The following RSRP1 variants were observed in gnomAD, a reference collection of about 807,000 sequenced individuals.
RSRP1 encodes the protein arginine/serine-rich protein 1.
Under a neutral mutation model 33.0 loss-of-function variants are expected in RSRP1, and 37 were observed. The observed-to-expected ratio is 1.12, with a 90% CI of 0.86 to 1.48. The LOEUF (loss-of-function observed/expected upper bound fraction) is 1.48. Ranked by LOEUF, RSRP1 falls within the 40% of genes most tolerant of loss-of-function variation. The pLI is 0.00. For missense variants in RSRP1, 402 were observed against 385.3 expected, an observed-to-expected ratio of 1.04 and a Z score of -0.36; for synonymous variants, 167 against 158.7, an observed-to-expected ratio of 1.05 and a Z score of -0.40.
intron 1 of RSRP1, among the ~76,000 whole-genome samples, chr1:25,252,908 C>T (rs1335649929): frequency 1.3e-5 from 2 of 152,050 alleles, no homozygotes; most frequent in Admixed American, 6.6e-5. Flanking sequence ...TCAAGGAACA[C>T]GGAAAGGTCA....
intron 1 of RSRP1, among the ~76,000 whole-genome samples, chr1:25,289,760 TG>T (rs1642330737): frequency 7.8e-6 from 1 of 127,868 alleles, no homozygotes; most frequent in Admixed American, 7.6e-5. Context: ...CCACTAGCCT[TG>T]TGATATCACA....
rs1448947675 is a variant in RSRP1 at position 25,273,848 on chromosome 1, C to T, written c.-66-26819G>A. On this transcript the variant is annotated intron_variant, in intron 1 of 1. Coordinates refer to the RSRP1 transcript ENST00000561867. ...TTGCTTGTTCCTAGGTTGATATGAA[C>T]GGCTAGTTAACTGGAAGCAAAGAGA... Among the ~76,000 whole-genome samples the T allele has an allele frequency of 3.9e-5, 5 of 129,136 alleles. 2 individuals are homozygous for T. Among genetic ancestry groups the T allele is most frequent in the Non-Finnish European group, 7.3e-5 (4 of 54,602 alleles). The allele number at this position is 129,136 out of a possible 152,430, so 84.7% of individuals were successfully genotyped here. A position where few individuals can be genotyped will look rare whatever the true frequency, so the allele number is the denominator to read the frequency against.
rs187405081 is a variant in RSRP1 at position 25,282,345 on chromosome 1, C to T, written c.-66-35316G>A. 5.8e-4 allele frequency among the ~76,000 whole-genome samples: 76 copies of T among 131,528 alleles called. 13 individuals are homozygous for T. Among genetic ancestry groups the T allele is most frequent in the African/African-American group, 1.7e-3 (67 of 38,658 alleles). The allele number at this position is 131,528 out of a possible 152,430, so 86.3% of individuals were successfully genotyped here. ...TGCCTCCCGGGTTCAAGCGATTCTC[C>T]TGCCTGCCTCCCGAGTAGCTGGGAT... is the stretch of plus-strand genomic sequence containing the variant. On this transcript the variant is annotated intron_variant, in intron 1 of 1. Transcript: ENST00000561867.
At chr1:25,275,067 ATCACCTGAGG>A (rs1390152878) in intron 1 of RSRP1, among the ~76,000 whole-genome samples, 1 of 132,356 alleles carries the variant, frequency 7.6e-6, no homozygotes, top group East Asian at 2.0e-4. Context: ...AGGCAGGCAG[ATCACCTGAGG>A]TCAGGAGTTC....
rs1157605330 is a variant in RSRP1, at chr1:25,266,966, C to T, written c.-66-19937G>A. 4 of 123,702 alleles carry T rather than the reference C, an allele frequency of 3.2e-5. 1 individual carries two copies. Among genetic ancestry groups the T allele is most frequent in the African/African-American group, 1.3e-4 (4 of 31,858 alleles). The allele number at this position is 123,702 out of a possible 1,614,324, so 7.7% of individuals were successfully genotyped here. ...GAGCGCCTCCGCTAGGGAGACTGCACGTTGCGCCTGTGCTTCCTGCGGTGG... is the reference window on the plus strand; with the variant it reads ...GAGCGCCTCCGCTAGGGAGACTGCATGTTGCGCCTGTGCTTCCTGCGGTGG... On this transcript the variant is annotated intron_variant, in intron 1 of 1. Transcript: ENST00000561867.
At chr1:25,268,672 G>A (rs1261741267) in intron 1 of RSRP1, among the ~76,000 whole-genome samples, 1 of 130,664 alleles carries the variant, frequency 7.7e-6, no homozygotes, top group African/African-American at 2.6e-5. Flanking sequence ...CAGAGGCCGG[G>A]CACAGTGGTT....
upstream of RSRP1, chr1:25,247,593 G>C (rs540298312): frequency 6.6e-6 from 1 of 152,444 alleles, no homozygotes; most frequent in South Asian, 2.1e-4. Flanking sequence ...CGCGCCCTGT[G>C]CCTCGAGCGC....
chr1:25,302,350 G>A (rs1166363397), intron 1 of RSRP1, among the ~76,000 whole-genome samples: 1 of 128,818 alleles, frequency 7.8e-6, no homozygotes, highest in African/African-American at 2.7e-5. Flanking sequence ...GGTGTCGGAG[G>A]GAAGTCTGGA....
upstream of RSRP1, among the ~76,000 whole-genome samples, chr1:25,251,494 T>C (rs1356793440): frequency 6.6e-6 from 1 of 151,756 alleles, no homozygotes; most frequent in Non-Finnish European, 1.5e-5. Context: ...CTCAGCCTCC[T>C]GAGTAGCTGG....
Position 25,315,551 on chromosome 1 carries a change from C to T in RSRP1, c.-67+22427G>A, listed in dbSNP as rs548839288. ...TCGCTGTGTTGCCCAGGCTGGAGTG[C>T]AGTGGCGTGATCTCAGCTCACTGCA... On this transcript the variant is annotated intron_variant, in intron 1 of 1. Coordinates refer to the RSRP1 transcript ENST00000561867. Among the ~76,000 whole-genome samples the T allele has an allele frequency of 2.5e-5, 3 of 119,578 alleles. 1 individual carries two copies. In the South Asian group the frequency reaches 7.7e-4, roughly 31 times the overall value. 78.4% of individuals were successfully genotyped at this position (119,578 alleles called of 152,430 possible).
At position 25,321,723 on chromosome 1, in the gene RSRP1, A is replaced by G. The variant is rs1644720169; in HGVS notation, c.-67+16255T>C. 3.4e-5 allele frequency among the ~76,000 whole-genome samples: 2 copies of G among 59,290 alleles called. 1 individual carries two copies. The highest frequency in any genetic ancestry group is 7.8e-5 in the African/African-American group (2 of 25,742). 38.9% of individuals were successfully genotyped at this position (59,290 alleles called of 152,430 possible). ...TAAAATAAAATAGGCTACAGAATTAAGCTGGTCCAGGAATGACAGGGCTTC... is the reference window on the plus strand; with the variant it reads ...TAAAATAAAATAGGCTACAGAATTAGGCTGGTCCAGGAATGACAGGGCTTC... On this transcript the variant is annotated intron_variant, in intron 1 of 1. Transcript: ENST00000561867.
In RSRP1 at chr1:25,268,680, G is replaced by T. The variant is rs960229618; in HGVS notation, c.-66-21651C>A. Among the ~76,000 whole-genome samples, 12 of 130,834 alleles carry T rather than the reference G, an allele frequency of 9.2e-5. 2 individuals carry two copies. The highest frequency in any genetic ancestry group is 3.7e-4 in the Admixed American group (5 of 13,504). The allele number at this position is 130,834 out of a possible 152,430, so 85.8% of individuals were successfully genotyped here. ...GGGCAGTCAGAGGCCGGGCACAGTG[G>T]TTCACACCTATAATCCCAGCACTTT... On this transcript the variant is annotated intron_variant, in intron 1 of 1. Coordinates refer to the RSRP1 transcript ENST00000561867.
At chr1:25,303,540 G>T in intron 1 of RSRP1, 2 of 1,242,336 alleles carry the variant, frequency 1.6e-6, no homozygotes, top group Admixed American at 3.7e-5. Flanking sequence ...ACTGTGCAGT[G>T]CACAGCTGCA....
At chr1:25,306,986 C>T in intron 1 of RSRP1, 1 of 429,302 alleles carries the variant, frequency 2.3e-6, no homozygotes, top group Non-Finnish European at 4.8e-6. Flanking sequence ...CTTTTGTGAT[C>T]CCACAAACAC....
chr1:25,246,216 G>A (rs1639374471), intron 2 of RSRP1, among the ~76,000 whole-genome samples: 1 of 152,062 alleles, frequency 6.6e-6, no homozygotes, highest in South Asian at 2.1e-4. Flanking sequence ...TCAGCCAATA[G>A]GAAAAAAAGT....
chr1:25,268,045 T>C (rs114759025), intron 1 of RSRP1: 2 of 133,578 alleles, frequency 1.5e-5, no homozygotes, highest in African/African-American at 2.5e-5. Flanking sequence ...TGAAATAACA[T>C]ATGCAAAATG....
rs558847092 is a variant in RSRP1 at position 25,274,506 on chromosome 1, C to T, written c.-66-27477G>A. The stretch of plus-strand genomic sequence containing the variant: ...CAGAAACTCACTTTATACGGAAGCT[C>T]AGAGGAGGGTCCACAACCCAGGCAG... On this transcript the variant is annotated intron_variant, in intron 1 of 1. Transcript: ENST00000561867. Among the ~76,000 whole-genome samples the T allele has an allele frequency of 2.0e-4, 26 of 132,600 alleles. 3 individuals are homozygous for T. The highest frequency in any genetic ancestry group is 5.6e-4 in the African/African-American group (22 of 38,940). 87.0% of individuals were successfully genotyped at this position (132,600 alleles called of 152,430 possible).
chr1:25,261,199 C>A (rs1359606032), intron 1 of RSRP1, among the ~76,000 whole-genome samples: 6 of 152,098 alleles, frequency 3.9e-5, no homozygotes, highest in Non-Finnish European at 7.4e-5. Context: ...CACCTATTTC[C>A]AAATATAGTC....
At chr1:25,264,502 T>C (rs1390388972) in intron 1 of RSRP1, among the ~76,000 whole-genome samples, 1 of 148,196 alleles carries the variant, frequency 6.7e-6, no homozygotes, top group Non-Finnish European at 1.5e-5. Flanking sequence ...TGGGAGTGGC[T>C]GGGATGCAGG....
Sources: allele counts gnomAD v4.1 joint callset (sites outside exome capture counted in the v4.1 genomes callset), GRCh38; gene constraint gnomAD v4.1.1; transcripts MANE v1.5; gene names NCBI Gene and HGNC (gene_info 2026-07-23, HGNC 2026-07-21).